Variants in MYOM1 observed in about 807,000 individuals in gnomAD.
The protein encoded by MYOM1 is myomesin 1, also known as myomesin-1.
Under a neutral mutation model 205.3 loss-of-function variants are expected in MYOM1, and 164 were observed. That is an observed-to-expected ratio of 0.80 (90% CI 0.70 to 0.91). The LOEUF is 0.91. Ranked by LOEUF, MYOM1 falls within the 40% of genes least tolerant of loss-of-function variation. MYOM1 has a pLI of 0.00. For missense variants in MYOM1, 2,011 were observed against 2,127.3 expected (o/e 0.95, Z 1.08); for synonymous variants, 772 against 789.4 (o/e 0.98, Z 0.37).
chr18:3,148,141 G>A (rs1220190540), intron 13 of MYOM1, among the ~76,000 whole-genome samples: 1 of 152,162 alleles, frequency 6.6e-6, no homozygotes, highest in Non-Finnish European at 1.5e-5. Flanking sequence ...GGAGGGGAAG[G>A]GAACGTGGTA....
chr18:3,127,070 T>G (rs1434051093), intron 18 of MYOM1, among the ~76,000 whole-genome samples, 173 bp from the exon 19 acceptor site: 1 of 152,004 alleles, frequency 6.6e-6, no homozygotes, highest in Admixed American at 6.6e-5. Context: ...CAGTAAAAAG[T>G]ACACTACAAT....
At chr18:3,199,710 C>T (rs1355599163) in intron 2 of MYOM1, among the ~76,000 whole-genome samples, 1 of 152,152 alleles carries the variant, frequency 6.6e-6, no homozygotes, top group African/African-American at 2.4e-5. Flanking sequence ...CATGGTGGCA[C>T]ATGCCTATAG....
chr18:3,137,211 A>T (rs1256325934), intron 14 of MYOM1, among the ~76,000 whole-genome samples: 1 of 152,010 alleles, frequency 6.6e-6, no homozygotes, highest in Non-Finnish European at 1.5e-5. Flanking sequence ...AGCCTCCCAA[A>T]GTGCTGGGAT....
At chr18:3,191,225 G>T (rs1367286492) in intron 3 of MYOM1, among the ~76,000 whole-genome samples, 1 of 152,178 alleles carries the variant, frequency 6.6e-6, no homozygotes, top group African/African-American at 2.4e-5. Context: ...AAAATCTCTT[G>T]TTGACACAAA....
At chr18:3,198,064 A>C (rs1457886881) in intron 2 of MYOM1, among the ~76,000 whole-genome samples, 1 of 141,938 alleles carries the variant, frequency 7.0e-6, no homozygotes, top group African/African-American at 2.7e-5. Flanking sequence ...TACAGCTAAA[A>C]ATAAAGCACA....
At chr18:3,079,485 GA>G (rs2079060169) in intron 33 of MYOM1, 143 bp from the exon 34 acceptor site, 1 of 901,402 alleles carries the variant, frequency 1.1e-6, no homozygotes, top group Admixed American at 3.0e-5. Flanking sequence ...TTCTGCTTCA[GA>G]AAAATTATGG....
chr18:3,086,617 G>A (rs919781153), intron 29 of MYOM1, among the ~76,000 whole-genome samples: 1 of 152,196 alleles, frequency 6.6e-6, no homozygotes, highest in Non-Finnish European at 1.5e-5. Context: ...GCAAATATAT[G>A]TGGAGGGGAG....
At chr18:3,127,305 A>ATATTTTTTTT (rs56880961) in intron 18 of MYOM1, among the ~76,000 whole-genome samples, 1 of 47,580 alleles carries the variant, frequency 2.1e-5, no homozygotes, top group African/African-American at 9.2e-5. Flanking sequence ...ATATATATAT[A>ATATTTTTTTT]TTTTTTTTTT....
At chr18:3,174,339 CCT>C (rs778980827) in intron 6 of MYOM1, 131 bp from the exon 7 acceptor site, 1 of 712,292 alleles carries the variant, frequency 1.4e-6, no homozygotes, top group Non-Finnish European at 2.4e-6. Context: ...CTTTGGTTCT[CCT>C]GGTACAGCTA....
At chr18:3,138,829 C>T (rs372541228) in intron 14 of MYOM1, among the ~76,000 whole-genome samples, 4 of 152,274 alleles carry the variant, frequency 2.6e-5, no homozygotes, top group African/African-American at 9.6e-5. Flanking sequence ...GAGGAGAAGA[C>T]AAGCCTGGGA....
rs768150161 is a variant in MYOM1 at position 3,135,623 on chromosome 18, A to G, written c.2133T>C (p.Arg711=). ...CTCCTGCAGAATTAGAACAGCGGAC[A>G]CGGAAACAGTAGGATTTCCCCTCGG... ...DLAEGKSYCF[R]VRCSNSAGVG... Residue 711 remains arginine (R), a synonymous_variant, in exon 15 of 38, where the codon CGT becomes CGC. Coordinates refer to ENST00000356443, the MANE Select transcript of MYOM1 (RefSeq NM_003803.4). This position sits in a 1 kb window ranked among gnomAD's most constrained non-coding sequence, Gnocchi z 4.1. 21 of 1,613,798 alleles carry G rather than the reference A, an allele frequency of 1.3e-5. No homozygotes were observed. In the East Asian group the frequency reaches 1.8e-4, roughly 14 times the overall value.
chr18:3,146,989 A>T (rs561019341), intron 13 of MYOM1, among the ~76,000 whole-genome samples: 62 of 149,064 alleles, frequency 4.2e-4, no homozygotes, highest in African/African-American at 1.3e-3. Flanking sequence ...CATAAAAACA[A>T]ATTAAAATAA....
intron 33 of MYOM1, among the ~76,000 whole-genome samples, 173 bp from the exon 34 acceptor site, chr18:3,079,515 G>A (rs368722081): frequency 4.1e-4 from 63 of 152,000 alleles, no homozygotes; most frequent in African/African-American, 1.3e-3. Flanking sequence ...ACACAGAACC[G>A]GGATTCCAGG....
chr18:3,158,588 G>A (rs1055259756), intron 10 of MYOM1, among the ~76,000 whole-genome samples: 3 of 152,034 alleles, frequency 2.0e-5, no homozygotes, highest in African/African-American at 7.2e-5. Flanking sequence ...AATATGATAG[G>A]AAAAACAATC....
intron 2 of MYOM1, among the ~76,000 whole-genome samples, chr18:3,198,704 A>G (rs1210717167): frequency 1.3e-5 from 2 of 151,836 alleles, no homozygotes; most frequent in African/African-American, 2.4e-5. Context: ...AACTGCTTCA[A>G]CCCGGAAGAG....
chr18:3,172,450 C>T (rs769055219), intron 8 of MYOM1, among the ~76,000 whole-genome samples: 4 of 151,710 alleles, frequency 2.6e-5, no homozygotes, highest in African/African-American at 4.8e-5. Flanking sequence ...AGGATTGTGA[C>T]GTGATCAATA....
intron 22 of MYOM1, 97 bp downstream of exon 22, chr18:3,112,201 A>G (rs2079536919): frequency 1.1e-6 from 1 of 934,284 alleles, no homozygotes; most frequent in East Asian, 2.6e-5. Flanking sequence ...GCACACATTG[A>G]TTGTTTTGAA....
At chr18:3,194,073 T>C in intron 2 of MYOM1, 115 bp from the exon 3 acceptor site, 1 of 1,016,010 alleles carries the variant, frequency 9.8e-7, no homozygotes, top group East Asian at 2.6e-5. Context: ...AGATCTCTAA[T>C]GTTACAATTA....
the MYOM1 span, among the ~76,000 whole-genome samples, chr18:3,240,163 C>T: frequency 1.6e-4 from 24 of 152,276 alleles, no homozygotes; most frequent in South Asian, 6.2e-4. Context: ...TTAATCACTA[C>T]GTTTATTCAT....
Sources: gnomAD v4.1 joint callset for allele counts (sites outside exome capture counted in the v4.1 genomes callset) on GRCh38, gnomAD v4.1.1 for gene constraint, Gnocchi (gnomAD v3.1) non-coding constraint, MANE v1.5 for transcripts, NCBI Gene and HGNC (gene_info 2026-07-23, HGNC 2026-07-21) for gene names.